MYO16: variants seen among roughly 807,000 people sequenced by gnomAD.
MYO16 encodes myosin XVI, also known as unconventional myosin-XVI.
In MYO16, 94 loss-of-function variants were observed where a neutral mutation model predicts 205.3. The ratio of observed to expected loss-of-function variants is 0.46; its 90% CI spans 0.39 to 0.54. The LOEUF is 0.54. Ranked by LOEUF, MYO16 falls within the 20% of genes least tolerant of loss-of-function variation. MYO16 has a pLI of 0.00. For missense variants in MYO16, 2,315 were observed against 2,387.5 expected (o/e 0.97, Z 0.63); for synonymous variants, 988 against 954.0 (o/e 1.04, Z -0.66).
intron 27 of MYO16, among the ~76,000 whole-genome samples, chr13:109,096,624 G>C (rs1888784773): frequency 6.6e-6 from 1 of 152,196 alleles, no homozygotes; most frequent in Non-Finnish European, 1.5e-5. Flanking sequence ...CAGGGCTCAA[G>C]AAATGCGACT....
rs961453893 is a variant in MYO16 at position 108,845,889 on chromosome 13, T to G, written c.1248+1396T>G. On this transcript the variant is annotated intron_variant, in intron 10 of 34. Coordinates refer to ENST00000457511, the MANE Select transcript of MYO16 (RefSeq NM_001198950.3). The stretch of plus-strand genomic sequence containing the variant: ...CCACCATTCTCTGCCATTTTTTTTT[T>G]TAAGAGATAGGGTCTCACTATGTTG... Among the ~76,000 whole-genome samples the G allele has an allele frequency of 2.0e-5, 3 of 151,028 alleles. No homozygotes were observed. In the East Asian group the frequency reaches 5.9e-4, roughly 30 times the overall value.
rs535152262 is a variant in MYO16 at position 108,906,534 on chromosome 13, T to C, written c.1778-3469T>C. ...CCATCATCAATTAGTCTTAGAATTA[T>C]ATACTTAGCAGGACATTCTTTTAAA... On this transcript the variant is annotated intron_variant, in intron 15 of 34. Coordinates refer to ENST00000457511, the MANE Select transcript of MYO16 (RefSeq NM_001198950.3). Among the ~76,000 whole-genome samples, 9 of 152,352 alleles carry C rather than the reference T, an allele frequency of 5.9e-5. No individual in the cohort carries two copies. The South Asian group carries it at 6.2e-4, about 11-fold the overall frequency.
intron 4 of MYO16, among the ~76,000 whole-genome samples, chr13:108,756,203 CT>C (rs1228883938): frequency 2.6e-5 from 4 of 151,904 alleles, no homozygotes; most frequent in African/African-American, 9.7e-5. Flanking sequence ...ATTTTCTTTT[CT>C]AGACTTATTT....
intron 9 of MYO16, among the ~76,000 whole-genome samples, chr13:108,841,224 T>C (rs1052409393): frequency 1.3e-5 from 2 of 152,206 alleles, no homozygotes; most frequent in Non-Finnish European, 1.5e-5. Flanking sequence ...TGAATGATTA[T>C]ATCAATGAAA....
In MYO16 at chr13:109,162,125, G is replaced by A. The variant is rs1183401766; in HGVS notation, c.5165-2776G>A. ...GCCCAAAAAACATGTCTTGGCTATA[G>A]TTTAACCTGCCAATTGAAAAATAGA... On this transcript the variant is annotated intron_variant, in intron 32 of 34. Transcript: ENST00000457511. The surrounding 1 kb of genome is among the most constrained non-coding windows in gnomAD (Gnocchi z 4.6). 6.6e-6 allele frequency among the ~76,000 whole-genome samples: 1 copy of A among 152,178 alleles called. No individual in the cohort carries two copies. Among genetic ancestry groups the A allele is most frequent in the Non-Finnish European group, 1.5e-5 (1 of 68,036 alleles).
In MYO16 at chr13:108,898,742, C is replaced by T. The variant is rs149488744; in HGVS notation, c.1777+609C>T. ...CACTGTTTCGTATTTGATTTAAATACTTAAAGTATATTTTATAAAAACTCC... is the reference window on the plus strand; with the variant it reads ...CACTGTTTCGTATTTGATTTAAATATTTAAAGTATATTTTATAAAAACTCC... On this transcript the variant is annotated intron_variant, in intron 15 of 34. Transcript: ENST00000457511. Among the ~76,000 whole-genome samples, 1,131 of 152,050 alleles carry T rather than the reference C, an allele frequency of 7.4e-3. 13 individuals are homozygous for T. The highest frequency in any genetic ancestry group is 0.026 in the African/African-American group (1,069 of 41,476).
intron 5 of MYO16, among the ~76,000 whole-genome samples, chr13:108,790,186 A>G (rs1484129015): frequency 6.6e-6 from 1 of 152,228 alleles, no homozygotes; most frequent in African/African-American, 2.4e-5. Context: ...CAATAGCGGC[A>G]AAGAGTAGCC....
intron 16 of MYO16, among the ~76,000 whole-genome samples, chr13:108,928,454 A>G (rs561658056): frequency 1.3e-5 from 2 of 152,372 alleles, no homozygotes; most frequent in East Asian, 1.9e-4. Context: ...GGTAATTAAT[A>G]TTCATAATGC....
intron 17 of MYO16, among the ~76,000 whole-genome samples, chr13:108,960,270 G>A (rs1883531200): frequency 1.0e-5 from 1 of 96,802 alleles, no homozygotes; most frequent in African/African-American, 3.9e-5. Context: ...GTGAAACCCT[G>A]TCTCAAAAAA....
intron 1 of MYO16, among the ~76,000 whole-genome samples, chr13:108,662,562 G>C (rs996081006): frequency 1.3e-5 from 2 of 152,052 alleles, no homozygotes; most frequent in African/African-American, 4.8e-5. Context: ...CAGGGAACTG[G>C]GGGAAAGCCG....
intron 34 of MYO16, among the ~76,000 whole-genome samples, chr13:109,199,190 A>G (rs1459291345): frequency 3.2e-5 from 3 of 92,416 alleles, no homozygotes; most frequent in African/African-American, 1.3e-4. Context: ...TTAATAAAAA[A>G]GGTATATATA....
At chr13:108,934,454 C>T (rs1049440047) in intron 16 of MYO16, among the ~76,000 whole-genome samples, 5 of 151,972 alleles carry the variant, frequency 3.3e-5, no homozygotes, top group Non-Finnish European at 7.4e-5. Flanking sequence ...TTGTTTTTTG[C>T]TTGTTCAATT....
intron 27 of MYO16, among the ~76,000 whole-genome samples, chr13:109,085,834 G>A (rs1236675995): frequency 2.6e-5 from 4 of 152,106 alleles, no homozygotes; most frequent in African/African-American, 4.8e-5. Flanking sequence ...GTGATAAGGC[G>A]ATTTCAATGA....
At chr13:109,134,171 A>G (rs12430024) in intron 31 of MYO16, among the ~76,000 whole-genome samples, 3,797 of 152,292 alleles carry the variant, frequency 0.025, 52 homozygotes, top group South Asian at 0.03. Context: ...GACTGTCATC[A>G]TGACCCTATG....
intron 20 of MYO16, among the ~76,000 whole-genome samples, chr13:108,973,862 G>A (rs997932613): frequency 1.3e-5 from 2 of 151,850 alleles, no homozygotes; most frequent in Admixed American, 6.6e-5. Context: ...GGTGAGACTT[G>A]TTATCTTTAC....
At chr13:108,825,569 C>A (rs758411319) in intron 9 of MYO16, among the ~76,000 whole-genome samples, 4 of 123,666 alleles carry the variant, frequency 3.2e-5, no homozygotes, top group South Asian at 2.7e-4. Flanking sequence ...GCTTGAGCAA[C>A]CTAGCAAGAA....
the MYO16 span, among the ~76,000 whole-genome samples, chr13:108,553,079 C>A: frequency 4.7e-5 from 6 of 127,178 alleles, no homozygotes; most frequent in African/African-American, 1.7e-4. Context: ...AGTGCAGTGG[C>A]CCAATGTCAA....
chr13:109,184,593 G>GT lies in MYO16; in HGVS notation c.5415+4969dup, dbSNP rs869054350. 8.4e-4 allele frequency among the ~76,000 whole-genome samples: 124 copies of GT among 147,880 alleles called. 1 individual carries two copies. The highest frequency in any genetic ancestry group is 6.8e-3 in the Middle Eastern group (2 of 292). On this transcript the variant is annotated intron_variant, in intron 34 of 34. Coordinates refer to ENST00000457511, the MANE Select transcript of MYO16 (RefSeq NM_001198950.3). ...AATAAGAAGTCAGAGTAGTGACTAT[G>GT]TTTTTTTTTGTTTGTGTGTGTGTTT... is the stretch of plus-strand genomic sequence containing the variant.
At chr13:109,163,367 G>A (rs961503180) in intron 32 of MYO16, among the ~76,000 whole-genome samples, 38 of 152,106 alleles carry the variant, frequency 2.5e-4, no homozygotes, top group African/African-American at 9.2e-4. Flanking sequence ...GTCTCGAGAG[G>A]CAAGAGGAGA....
Sources: allele counts gnomAD v4.1 joint callset (sites outside exome capture counted in the v4.1 genomes callset), GRCh38; gene constraint gnomAD v4.1.1; non-coding constraint Gnocchi (gnomAD v3.1); transcripts MANE v1.5; gene names NCBI Gene and HGNC (gene_info 2026-07-23, HGNC 2026-07-21).